Variants in IGF2BP2 observed in about 807,000 individuals in gnomAD.
The protein encoded by IGF2BP2 is insulin like growth factor 2 mRNA binding protein 2, also known as insulin-like growth factor 2 mRNA-binding protein 2.
In IGF2BP2, 17 loss-of-function variants were observed where a neutral mutation model predicts 75.8. The observed-to-expected ratio is 0.22, with a 90% CI of 0.15 to 0.34. IGF2BP2 has a LOEUF of 0.34. Ranked by LOEUF, IGF2BP2 falls within the 10% of genes least tolerant of loss-of-function variation. The pLI is 1.00. For synonymous variants in IGF2BP2, 288 were observed against 295.6 expected (o/e 0.97, Z 0.26); for missense variants, 516 against 772.4 (o/e 0.67, Z 3.93).
At chr3:185,675,009 C>CT (rs777364824) in intron 9 of IGF2BP2, 1,469 of 109,978 alleles carry the variant, frequency 0.013, 20 homozygotes, top group African/African-American at 0.036. Context: ...TCTTGCTTTT[C>CT]TTTTTTTTTT....
rs1232054697 is a variant in IGF2BP2, at chr3:185,647,210, G to A, written c.1594-72C>T. 2.9e-5 allele frequency: 30 copies of A among 1,028,516 alleles called. No individual in the cohort carries two copies. The Admixed American group carries it at 4.6e-4, about 16-fold the overall frequency. 63.7% of individuals were successfully genotyped at this position (1,028,516 alleles called of 1,614,324 possible). A position where few individuals can be genotyped will look rare whatever the true frequency, so the allele number is the denominator to read the frequency against. On this transcript the variant is annotated intron_variant, in intron 14 of 15. Coordinates refer to ENST00000382199, the MANE Select transcript of IGF2BP2 (RefSeq NM_006548.6). This position sits in a 1 kb window ranked among gnomAD's most constrained non-coding sequence, Gnocchi z 4.9. ...CAACGTGGTGGGCTCAGGACGGAGT[G>A]AGGGGCCAAGAGGTGGAGCAGGGGA...
chr3:185,692,771 A>G lies in IGF2BP2; in HGVS notation c.341-9T>C, dbSNP rs2149335750. ...TTCTGTGTCTGTGTTGACTAGGGAA[A>G]AGGCAAAAACTACACTGTCATAGGA... On this transcript the variant is annotated splice_polypyrimidine_tract_variant and intron_variant, in intron 4 of 15. Coordinates refer to ENST00000382199, the MANE Select transcript of IGF2BP2 (RefSeq NM_006548.6). 6.2e-7 allele frequency: 1 copy of G among 1,613,806 alleles called. No individual in the cohort carries two copies. Among genetic ancestry groups the G allele is most frequent in the Non-Finnish European group, 8.5e-7 (1 of 1,179,802 alleles).
In IGF2BP2 at chr3:185,677,068, T is replaced by TATAGAGAG; in HGVS notation, c.813-1156_813-1155insCTCTCTAT. Among the ~76,000 whole-genome samples the TATAGAGAG allele has an allele frequency of 9.8e-4, 35 of 35,856 alleles. 1 individual carries two copies. The highest frequency in any genetic ancestry group is 7.6e-3 in the East Asian group (11 of 1,442). The allele number at this position is 35,856 out of a possible 152,430, so 23.5% of individuals were successfully genotyped here. A position where few individuals can be genotyped will look rare whatever the true frequency, so the allele number is the denominator to read the frequency against. On this transcript the variant is annotated intron_variant, in intron 7 of 15. Coordinates refer to ENST00000382199, the MANE Select transcript of IGF2BP2 (RefSeq NM_006548.6). ...AGATATATATATATATATATATATA[T>TATAGAGAG]AGAGAGAGAGAGAGAGAGAGAGAGA...
chr3:185,808,106 C>G (rs75322411), intron 2 of IGF2BP2, among the ~76,000 whole-genome samples: 203 of 145,082 alleles, frequency 1.4e-3, no homozygotes, highest in African/African-American at 5.3e-3. Context: ...ATGCCAAGAC[C>G]TCGTTTCTTT....
intron 2 of IGF2BP2, among the ~76,000 whole-genome samples, chr3:185,738,488 G>A (rs1729136833): frequency 6.6e-6 from 1 of 152,188 alleles, no homozygotes. Flanking sequence ...GGCAATATCC[G>A]AGCTGGGTTT....
intron 2 of IGF2BP2, among the ~76,000 whole-genome samples, chr3:185,764,355 G>A (rs1192723727): frequency 2.0e-5 from 3 of 152,130 alleles, no homozygotes; most frequent in South Asian, 2.1e-4. Flanking sequence ...TGAGATGTCC[G>A]AAGCACAAAG....
intron 7 of IGF2BP2, among the ~76,000 whole-genome samples, chr3:185,676,536 C>T (rs1252921170): frequency 1.3e-5 from 2 of 152,020 alleles, no homozygotes; most frequent in South Asian, 2.1e-4. Flanking sequence ...ATTAGCCAGG[C>T]ATAGTGGTGC....
At chr3:185,751,545 CTGAGGCAGGAGAATTGCT>C (rs1191806644) in intron 2 of IGF2BP2, among the ~76,000 whole-genome samples, 2 of 148,222 alleles carry the variant, frequency 1.3e-5, no homozygotes, top group African/African-American at 5.0e-5. Flanking sequence ...TATTCTCCTG[CTGAGGCAGGAGAATTGCT>C]TGAGGCAGGA....
intron 7 of IGF2BP2, among the ~76,000 whole-genome samples, chr3:185,677,756 A>G (rs1352774283): frequency 6.6e-6 from 1 of 152,236 alleles, no homozygotes. Context: ...GAATATCAAC[A>G]AAGAGACAGA....
intron 2 of IGF2BP2, among the ~76,000 whole-genome samples, chr3:185,764,361 C>CA (rs1227013099): frequency 5.3e-5 from 8 of 152,132 alleles, no homozygotes; most frequent in African/African-American, 1.7e-4. Flanking sequence ...GTCCGAAGCA[C>CA]AAAGTGGCTT....
chr3:185,717,633 GAA>G (rs1296937531), intron 2 of IGF2BP2: 1 of 152,260 alleles, frequency 6.6e-6, no homozygotes, highest in Non-Finnish European at 1.5e-5. Flanking sequence ...AGTTCCAAGA[GAA>G]AGACTGTGAA....
At position 185,824,978 on chromosome 3, in the gene IGF2BP2, G is replaced by A; in HGVS notation, c.-18C>T. On this transcript the variant is annotated 5_prime_UTR_variant, in exon 1 of 16. Coordinates refer to ENST00000382199, the MANE Select transcript of IGF2BP2 (RefSeq NM_006548.6). ...TTCATCATCCGTCTCTTCCCCGAGAGCCCGCGGCTCCCCCGGCCCGGTACC... is the reference window on the plus strand; with the variant it reads ...TTCATCATCCGTCTCTTCCCCGAGAACCCGCGGCTCCCCCGGCCCGGTACC... 2 of 1,482,654 alleles carry A rather than the reference G, an allele frequency of 1.3e-6. No individual in the cohort carries two copies. Among genetic ancestry groups the A allele is most frequent in the Non-Finnish European group, 9.1e-7 (1 of 1,100,646 alleles). 91.8% of individuals were successfully genotyped at this position (1,482,654 alleles called of 1,614,324 possible).
chr3:185,643,313 G>C lies in IGF2BP2; in HGVS notation c.*2218C>G, dbSNP rs1712960714. Among the ~76,000 whole-genome samples, 1 of 152,154 alleles carries C rather than the reference G, an allele frequency of 6.6e-6. No homozygotes were observed. The highest frequency in any genetic ancestry group is 2.1e-4 in the South Asian group (1 of 4,832). ...TTTCCTCCACTTAAAAAGCAGCTTT[G>C]CCTGGCCAGGCTTGCAGTTCCTTAA... On this transcript the variant is annotated 3_prime_UTR_variant, in exon 16 of 16. Coordinates refer to ENST00000382199, the MANE Select transcript of IGF2BP2 (RefSeq NM_006548.6).
chr3:185,689,987 A>C (rs1260726832), intron 5 of IGF2BP2, among the ~76,000 whole-genome samples: 2 of 151,838 alleles, frequency 1.3e-5, no homozygotes, highest in Admixed American at 6.6e-5. Context: ...AAAAAAAAGA[A>C]AGACCCTCCC....
Position 185,649,543 on chromosome 3 carries a change from G to T in IGF2BP2, c.1462-9C>A. On this transcript the variant is annotated splice_polypyrimidine_tract_variant and intron_variant, in intron 13 of 15. Transcript: ENST00000382199. The stretch of plus-strand genomic sequence containing the variant: ...AAGATCCGTCCCTGGGCCTGAGAGA[G>T]CAAGACATGACTAATGACTCTCAGT... 6.2e-7 allele frequency: 1 copy of T among 1,613,962 alleles called. No homozygotes were observed. The highest frequency in any genetic ancestry group is 2.2e-5 in the East Asian group (1 of 44,870).
intron 2 of IGF2BP2, chr3:185,713,203 G>A: frequency 2.9e-6 from 1 of 347,148 alleles, no homozygotes; most frequent in Non-Finnish European, 5.7e-6. Flanking sequence ...AAACCACCAG[G>A]TCAAAGTTCA....
At chr3:185,809,107 T>C (rs4453875) in intron 2 of IGF2BP2, among the ~76,000 whole-genome samples, 53,437 of 151,662 alleles carry the variant, frequency 0.35, 11,278 homozygotes, top group African/African-American at 0.61. Flanking sequence ...TTGTTTTTTG[T>C]TTTTCTTTTC....
In IGF2BP2 at chr3:185,665,004, CG is replaced by C. The variant is rs201711524; in HGVS notation, c.1201-6596del. Among the ~76,000 whole-genome samples, 910 of 151,146 alleles carry C rather than the reference CG, an allele frequency of 6.0e-3. 2 individuals carry two copies. Among genetic ancestry groups the C allele is most frequent in the Non-Finnish European group, 9.8e-3 (664 of 67,756 alleles). Reference sequence around the variant, plus strand: ...AAAAGGCAAAAAAACTTATAGATACCGGGGGGGAAAAACAGACAGGCGTGTT... The same window carrying C: ...AAAAGGCAAAAAAACTTATAGATACCGGGGGGAAAAACAGACAGGCGTGTT... On this transcript the variant is annotated intron_variant, in intron 10 of 15. Coordinates refer to ENST00000382199, the MANE Select transcript of IGF2BP2 (RefSeq NM_006548.6).
chr3:185,813,592 C>A (rs1236397657), intron 2 of IGF2BP2, among the ~76,000 whole-genome samples: 1 of 152,184 alleles, frequency 6.6e-6, no homozygotes, highest in Admixed American at 6.5e-5. Context: ...GATGTTTTCC[C>A]TTTCCAAAGA....
Sources: allele counts gnomAD v4.1 joint callset (sites outside exome capture counted in the v4.1 genomes callset), GRCh38; gene constraint gnomAD v4.1.1; non-coding constraint Gnocchi (gnomAD v3.1); transcripts MANE v1.5; gene names NCBI Gene and HGNC (gene_info 2026-07-23, HGNC 2026-07-21).